Variants in HYDIN observed in about 807,000 individuals in gnomAD.
HYDIN encodes HYDIN axonemal central pair apparatus protein.
A neutral mutation model predicts 403.9 loss-of-function variants in HYDIN; 132 were observed. The ratio of observed to expected loss-of-function variants is 0.33; its 90% CI spans 0.28 to 0.38. The LOEUF (loss-of-function observed/expected upper bound fraction) is 0.38. Among genes scored for constraint, HYDIN ranks in the 10% least tolerant of loss-of-function variants. The pLI is 1.00. For missense variants in HYDIN, 2,827 were observed against 5,009.5 expected (o/e 0.56, Z 13.15); for synonymous variants, 1,202 against 1,891.7 (o/e 0.64, Z 9.46).
intron 1 of HYDIN, among the ~76,000 whole-genome samples, chr16:71,191,990 A>T (rs1370486682): frequency 1.3e-5 from 2 of 152,156 alleles, no homozygotes; most frequent in East Asian, 1.9e-4. Context: ...TCCAAGCATT[A>T]TATGTTTTAG....
intron 41 of HYDIN, among the ~76,000 whole-genome samples, chr16:70,951,375 T>G (rs2078069698): frequency 6.6e-6 from 1 of 152,164 alleles, no homozygotes; most frequent in Non-Finnish European, 1.5e-5. Context: ...TATTTATTCC[T>G]TGTCCATCAC....
chr16:71,227,980 A>C (rs2041114575), intron 1 of HYDIN, among the ~76,000 whole-genome samples: 2 of 152,308 alleles, frequency 1.3e-5, no homozygotes, highest in East Asian at 3.9e-4. Flanking sequence ...CCAATGGAAC[A>C]GAACGGAGCC....
chr16:71,090,664 T>G (rs999734097), intron 11 of HYDIN, among the ~76,000 whole-genome samples: 4 of 117,512 alleles, frequency 3.4e-5, no homozygotes, highest in African/African-American at 1.8e-4. Flanking sequence ...CACACCCAAC[T>G]AATTTTTGTG....
At chr16:71,011,876 T>A (rs544023252) in intron 23 of HYDIN, among the ~76,000 whole-genome samples, 1 of 151,572 alleles carries the variant, frequency 6.6e-6, no homozygotes, top group Non-Finnish European at 1.5e-5. Flanking sequence ...GCGCTCATCA[T>A]AGAAAAATCA....
At position 71,032,058 on chromosome 16, in the gene HYDIN, C is replaced by T. The variant is rs2080932243; in HGVS notation, c.2530-141G>A. 7 of 481,254 alleles carry T rather than the reference C, an allele frequency of 1.5e-5. No homozygotes were observed. In the Admixed American group the frequency reaches 2.2e-4, roughly 15 times the overall value. The allele number at this position is 481,254 out of a possible 1,614,324, so 29.8% of individuals were successfully genotyped here. On this transcript the variant is annotated intron_variant, in intron 18 of 85. Coordinates refer to ENST00000393567, the MANE Select transcript of HYDIN (RefSeq NM_001270974.2). ...AACATTATTTTTTGAATTAAAGCAG[C>T]TGGATGTTTGTTGGTTTTCCTTTTT...
chr16:71,009,563 A>C (rs185867910), intron 23 of HYDIN, among the ~76,000 whole-genome samples: 1 of 152,286 alleles, frequency 6.6e-6, no homozygotes, highest in Non-Finnish European at 1.5e-5. Flanking sequence ...CAAGATGTCC[A>C]TGTTTGAATC....
intron 41 of HYDIN, among the ~76,000 whole-genome samples, chr16:70,949,462 A>T (rs1278498270): frequency 6.6e-6 from 1 of 151,904 alleles, no homozygotes; most frequent in Non-Finnish European, 1.5e-5. Flanking sequence ...GTATAATAAT[A>T]AAAAAAACAA....
chr16:71,078,464 T>A (rs1469621343), intron 13 of HYDIN, among the ~76,000 whole-genome samples: 1 of 152,094 alleles, frequency 6.6e-6, no homozygotes, highest in Non-Finnish European at 1.5e-5. Context: ...GCAATTGTAT[T>A]TCTTTCCTGG....
At chr16:71,011,532 C>T (rs1250514327) in intron 23 of HYDIN, among the ~76,000 whole-genome samples, 2 of 131,132 alleles carry the variant, frequency 1.5e-5, no homozygotes, top group Non-Finnish European at 3.1e-5. Context: ...CATAGAAAGA[C>T]CCTGTCTCTA....
At chr16:70,832,439 G>A (rs886341328) in intron 80 of HYDIN, among the ~76,000 whole-genome samples, 19 of 150,826 alleles carry the variant, frequency 1.3e-4, no homozygotes, top group Admixed American at 7.3e-4. Flanking sequence ...TATAGACAGG[G>A]AGATTGGGTG....
chr16:70,898,807 G>A (rs761909804), intron 53 of HYDIN, among the ~76,000 whole-genome samples: 3 of 149,724 alleles, frequency 2.0e-5, no homozygotes, highest in African/African-American at 7.3e-5. Flanking sequence ...GCAGTGGTGC[G>A]AACTTGGCTC....
intron 78 of HYDIN, 151 bp downstream of exon 78, chr16:70,835,525 A>C: frequency 1.4e-6 from 1 of 709,164 alleles, no homozygotes. Flanking sequence ...TGTTTTTGTG[A>C]AAATGAACAG....
Position 71,139,183 on chromosome 16 carries a change from T to C in HYDIN, c.842-1831A>G, listed in dbSNP as rs147503134. Among the ~76,000 whole-genome samples the C allele has an allele frequency of 2.2e-3, 339 of 151,848 alleles. 2 individuals carry two copies. In the Middle Eastern group the frequency reaches 0.038, roughly 17 times the overall value. On this transcript the variant is annotated intron_variant, in intron 7 of 85. Coordinates refer to ENST00000393567, the MANE Select transcript of HYDIN (RefSeq NM_001270974.2). Reference sequence around the variant, plus strand: ...AGCCTTAGTACAGAGTTGAATACCATGCTGGAATTGCCTATGTCTTGCAAA... The same window carrying C: ...AGCCTTAGTACAGAGTTGAATACCACGCTGGAATTGCCTATGTCTTGCAAA...
Position 70,833,965 on chromosome 16 carries a change from A to G in HYDIN, c.13601T>C (p.Ile4534Thr), listed in dbSNP as rs1225808311. ...CTGATACACCACGGGTCCAAAGGGAATATGTTCCTGGTCCAGTGAGATCTC... is the reference window on the plus strand; with the variant it reads ...CTGATACACCACGGGTCCAAAGGGAGTATGTTCCTGGTCCAGTGAGATCTC... Reference protein sequence around the residue: ...ALEISLDQEHIPFGPVVYQTQ... With the variant: ...ALEISLDQEHTPFGPVVYQTQ... The change falls in exon 79 of 86, where the codon ATT (isoleucine) becomes ACT (threonine). Residue 4534 changes from isoleucine (I) to threonine (T), a missense_variant. Coordinates refer to ENST00000393567, the MANE Select transcript of HYDIN (RefSeq NM_001270974.2). 3.1e-6 allele frequency: 5 copies of G among 1,613,248 alleles called. No homozygotes were observed. The highest frequency in any genetic ancestry group is 4.2e-6 in the Non-Finnish European group (5 of 1,179,692).
In HYDIN at chr16:70,845,717, G is replaced by A. The variant is rs1233857680; in HGVS notation, c.12873+4009C>T. 2.2e-5 allele frequency among the ~76,000 whole-genome samples: 3 copies of A among 137,770 alleles called. 1 individual carries two copies. The highest frequency in any genetic ancestry group is 4.5e-5 in the Non-Finnish European group (3 of 66,650). The allele number at this position is 137,770 out of a possible 152,430, so 90.4% of individuals were successfully genotyped here. On this transcript the variant is annotated intron_variant, in intron 75 of 85. Coordinates refer to ENST00000393567, the MANE Select transcript of HYDIN (RefSeq NM_001270974.2). ...ACTATTGTTTATTGCCACAATTTCA[G>A]CTCCTGTTATTGGTCTATTCAGAGA...
intron 18 of HYDIN, among the ~76,000 whole-genome samples, chr16:71,038,511 A>G (rs1451967178): frequency 6.6e-6 from 1 of 151,880 alleles, no homozygotes; most frequent in East Asian, 1.9e-4. Flanking sequence ...AATCTGCAAG[A>G]ATCTCCTTCC....
intron 38 of HYDIN, among the ~76,000 whole-genome samples, chr16:70,960,793 G>C (rs1256467117): frequency 6.6e-6 from 1 of 152,158 alleles, no homozygotes; most frequent in Admixed American, 6.5e-5. Context: ...CCGGGTTCAA[G>C]TGATTCTCCT....
At chr16:70,834,827 G>A (rs546587533) in intron 78 of HYDIN, among the ~76,000 whole-genome samples, 7 of 150,814 alleles carry the variant, frequency 4.6e-5, no homozygotes, top group Non-Finnish European at 8.9e-5. Context: ...CAGCCTGGTC[G>A]ACAGAGTGAG....
At chr16:71,030,050 T>C (rs1041448501) in intron 19 of HYDIN, among the ~76,000 whole-genome samples, 2 of 152,120 alleles carry the variant, frequency 1.3e-5, no homozygotes, top group South Asian at 2.1e-4. Flanking sequence ...CTCATATATA[T>C]ATTTATTTAT....
Sources: allele counts gnomAD v4.1 joint callset (sites outside exome capture counted in the v4.1 genomes callset), GRCh38; gene constraint gnomAD v4.1.1; transcripts MANE v1.5; gene names NCBI Gene and HGNC (gene_info 2026-07-23, HGNC 2026-07-21).